The following KDM5A variants were observed in gnomAD, a reference collection of about 807,000 sequenced individuals.
KDM5A encodes lysine demethylase 5A.
Under a neutral mutation model 193.5 loss-of-function variants are expected in KDM5A, and 42 were observed. The observed-to-expected ratio is 0.22, with a 90% CI of 0.17 to 0.28. The LOEUF is 0.28. Among genes scored for constraint, KDM5A ranks in the 10% least tolerant of loss-of-function variants. The pLI is 1.00. For synonymous variants in KDM5A, 796 were observed against 718.1 expected, an observed-to-expected ratio of 1.11 and a Z score of -1.73; for missense variants, 1,692 against 2,055.1, an observed-to-expected ratio of 0.82 and a Z score of 3.42.
intron 13 of KDM5A, among the ~76,000 whole-genome samples, chr12:330,642 C>T (rs1432154656): frequency 1.3e-5 from 2 of 152,264 alleles, no homozygotes; most frequent in Admixed American, 1.3e-4. Context: ...AGAAACAGAG[C>T]TCAAGCCCAA....
intron 12 of KDM5A, 178 bp downstream of exon 12, chr12:333,309 C>T: frequency 1.5e-6 from 1 of 670,684 alleles, no homozygotes; most frequent in Non-Finnish European, 2.6e-6. Flanking sequence ...GTCCCAGCTA[C>T]TCATTAGGCT....
chr12:289,835 TG>T (rs1206176457), intron 27 of KDM5A, among the ~76,000 whole-genome samples: 1 of 150,946 alleles, frequency 6.6e-6, no homozygotes, highest in Admixed American at 6.6e-5. Flanking sequence ...AAGTGAACCC[TG>T]GAAGTTATTT....
chr12:380,645 C>A (rs945207856), intron 3 of KDM5A, among the ~76,000 whole-genome samples: 2 of 151,962 alleles, frequency 1.3e-5, no homozygotes, highest in Non-Finnish European at 1.5e-5. Context: ...ATCGGTTGAA[C>A]CTGGGAGATG....
At chr12:381,899 T>G (rs1944577821) in intron 3 of KDM5A, among the ~76,000 whole-genome samples, 1 of 152,012 alleles carries the variant, frequency 6.6e-6, no homozygotes, top group Admixed American at 6.6e-5. Flanking sequence ...CTTGACCTCC[T>G]GGGCTCAAGC....
chr12:319,422 G>A (rs1943689471), intron 18 of KDM5A, among the ~76,000 whole-genome samples: 1 of 152,184 alleles, frequency 6.6e-6, no homozygotes, highest in African/African-American at 2.4e-5. Flanking sequence ...TGAACACGGG[G>A]TATAAGGGAA....
intron 3 of KDM5A, among the ~76,000 whole-genome samples, chr12:376,608 C>T (rs538486911): frequency 6.6e-6 from 1 of 152,202 alleles, no homozygotes; most frequent in Non-Finnish European, 1.5e-5. Context: ...GTCCAACAAG[C>T]CCCAGTGAGA....
At chr12:326,880 A>AG (rs1565534960) in intron 14 of KDM5A, among the ~76,000 whole-genome samples, 1 of 150,980 alleles carries the variant, frequency 6.6e-6, no homozygotes, top group Non-Finnish European at 1.5e-5. Flanking sequence ...AAAAAAAAAA[A>AG]AAAAAAAAAA....
At chr12:351,027 C>T (rs191417210) in intron 9 of KDM5A, among the ~76,000 whole-genome samples, 5 of 152,116 alleles carry the variant, frequency 3.3e-5, no homozygotes, top group Admixed American at 2.6e-4. Context: ...TTCCCAAGTA[C>T]GGACAAAGAT....
intron 24 of KDM5A, among the ~76,000 whole-genome samples, chr12:297,461 A>AG (rs1160555353): frequency 6.6e-6 from 1 of 152,262 alleles, no homozygotes; most frequent in Non-Finnish European, 1.5e-5. Context: ...TAAGTTAAAC[A>AG]GTAAATAACT....
intron 26 of KDM5A, 60 bp from the exon 27 acceptor site, chr12:293,229 T>C (rs1943322859): frequency 4.2e-6 from 6 of 1,418,078 alleles, no homozygotes; most frequent in Non-Finnish European, 5.9e-6. Flanking sequence ...ACAGTATTAC[T>C]CTCTTATATG....
intron 3 of KDM5A, among the ~76,000 whole-genome samples, chr12:383,730 T>C (rs577454806): frequency 1.3e-5 from 2 of 152,280 alleles, no homozygotes; most frequent in African/African-American, 4.8e-5. Flanking sequence ...CATTTCCATT[T>C]ATTCAAATGT....
intron 2 of KDM5A, 43 bp from the exon 3 acceptor site, chr12:384,196 T>C (rs1944612006): frequency 2.7e-6 from 4 of 1,459,086 alleles, no homozygotes; most frequent in African/African-American, 1.4e-5. Context: ...ATGATTGAAA[T>C]GAATAAGAAT....
chr12:306,778 A>C, intron 24 of KDM5A, 168 bp downstream of exon 24: 1 of 745,552 alleles, frequency 1.3e-6, no homozygotes, highest in South Asian at 1.6e-5. Context: ...AGCAACCTGT[A>C]ATGTTTTGAG....
chr12:336,926 AAC>A (rs907854567), intron 10 of KDM5A, among the ~76,000 whole-genome samples: 11 of 152,318 alleles, frequency 7.2e-5, no homozygotes, highest in African/African-American at 2.6e-4. Context: ...AGGACAATAA[AAC>A]AGTGATCATC....
At chr12:312,533 G>A (rs1943601254) in intron 20 of KDM5A, among the ~76,000 whole-genome samples, 1 of 152,142 alleles carries the variant, frequency 6.6e-6, no homozygotes, top group South Asian at 2.1e-4. Flanking sequence ...ATAGCAAGGA[G>A]TCAATAAAAA....
Position 292,768 on chromosome 12 carries a change from G to C in KDM5A, c.4857C>G (p.Cys1619Trp), listed in dbSNP as rs964291775. 6.2e-7 allele frequency: 1 copy of C among 1,614,174 alleles called. No individual in the cohort carries two copies. ...AACAGTTGGAACTCACCTTGTCCTTGCAGGGCCTTTGGCAGTTCTGTGCTG... is the reference window on the plus strand; with the variant it reads ...AACAGTTGGAACTCACCTTGTCCTTCCAGGGCCTTTGGCAGTTCTGTGCTG... ...VCAAQNCQRP[C>W]KDKVDWVQCD... The change falls in exon 27 of 28, where the codon TGC (cysteine) becomes TGG (tryptophan). Residue 1619 changes from cysteine to tryptophan, a missense_variant. Coordinates refer to ENST00000399788, the MANE Select transcript of KDM5A (RefSeq NM_001042603.3).
chr12:377,393 G>T (rs1240534001), intron 3 of KDM5A, among the ~76,000 whole-genome samples: 1 of 151,850 alleles, frequency 6.6e-6, no homozygotes, highest in Non-Finnish European at 1.5e-5. Context: ...GTTATTGAGA[G>T]CCATAAAAAC....
At chr12:336,042 T>C in intron 10 of KDM5A, among the ~76,000 whole-genome samples, 2 of 50,994 alleles carry the variant, frequency 3.9e-5, no homozygotes, top group Non-Finnish European at 6.0e-5. Context: ...ATACTTCATC[T>C]CAAAAAAAAA....
intron 26 of KDM5A, among the ~76,000 whole-genome samples, chr12:294,142 G>A (rs555959466): frequency 4.6e-5 from 7 of 152,232 alleles, no homozygotes; most frequent in Admixed American, 6.5e-5. Flanking sequence ...AGAATATATA[G>A]TGACTTTGCC....
Sources: gnomAD v4.1 joint callset for allele counts (sites outside exome capture counted in the v4.1 genomes callset) on GRCh38, gnomAD v4.1.1 for gene constraint, MANE v1.5 for transcripts, NCBI Gene and HGNC (gene_info 2026-07-23, HGNC 2026-07-21) for gene names.